The following MYT1L variants were observed in gnomAD, a reference collection of about 807,000 sequenced individuals.
MYT1L encodes the protein myelin transcription factor 1 like.
MYT1L carries 12 observed loss-of-function variants against 126.7 expected under a neutral mutation model. The ratio of observed to expected loss-of-function variants is 0.09; its 90% CI spans 0.06 to 0.15. The LOEUF is 0.15. MYT1L is among the 10% of genes least tolerant of loss of function. The probability of loss-of-function intolerance (pLI) is 1.00; values close to 1 mark genes in which losing one functional copy is unlikely to be tolerated. For synonymous variants in MYT1L, 541 were observed against 604.2 expected (o/e 0.90, Z 1.53); for missense variants, 979 against 1,585.2 (o/e 0.62, Z 6.49).
At chr2:1,946,515 G>T (rs1039293412) in intron 8 of MYT1L, among the ~76,000 whole-genome samples, 17 of 152,206 alleles carry the variant, frequency 1.1e-4, no homozygotes, top group African/African-American at 4.1e-4. Context: ...GTGACTCAGG[G>T]AGTCCCTTCA....
At chr2:2,326,010 C>A (rs2096242130) in intron 1 of MYT1L, 2 of 152,238 alleles carry the variant, frequency 1.3e-5, no homozygotes, top group Non-Finnish European at 2.9e-5. Context: ...TCCTATGTAA[C>A]CTTTACAATA....
chr2:1,996,097 C>T (rs536133156), intron 5 of MYT1L, among the ~76,000 whole-genome samples: 1 of 152,314 alleles, frequency 6.6e-6, no homozygotes, highest in East Asian at 1.9e-4. Context: ...AAGCGGTGTG[C>T]AGGCTGATTG....
At chr2:1,899,838 AG>A (rs2148933778) in intron 14 of MYT1L, among the ~76,000 whole-genome samples, 1 of 152,370 alleles carries the variant, frequency 6.6e-6, no homozygotes, top group East Asian at 1.9e-4. Flanking sequence ...ACAGATGGAT[AG>A]GCAGACACAC....
At chr2:2,299,862 A>C (rs2095756669) in intron 1 of MYT1L, among the ~76,000 whole-genome samples, 1 of 152,172 alleles carries the variant, frequency 6.6e-6, no homozygotes, top group African/African-American at 2.4e-5. Flanking sequence ...GTCAATCCCC[A>C]AATCTTACTT....
At chr2:1,821,969 G>T (rs76271438) in intron 21 of MYT1L, among the ~76,000 whole-genome samples, 1 of 152,300 alleles carries the variant, frequency 6.6e-6, no homozygotes, top group Non-Finnish European at 1.5e-5. Context: ...TCCGGGAGTC[G>T]AACCCCTCTT....
intron 2 of MYT1L, among the ~76,000 whole-genome samples, chr2:2,216,229 G>A (rs1006542359): frequency 2.0e-5 from 3 of 152,130 alleles, no homozygotes; most frequent in African/African-American, 7.2e-5. Flanking sequence ...TGCAAGAACA[G>A]CCTAATACAC....
chr2:1,998,805 C>T (rs2062100513), intron 4 of MYT1L, among the ~76,000 whole-genome samples: 1 of 152,022 alleles, frequency 6.6e-6, no homozygotes, highest in Non-Finnish European at 1.5e-5. Flanking sequence ...CTCTGTTATG[C>T]GAGACCCCAG....
chr2:1,795,985 T>C (rs922357191), intron 23 of MYT1L, among the ~76,000 whole-genome samples: 3 of 152,208 alleles, frequency 2.0e-5, no homozygotes, highest in Admixed American at 6.5e-5. Flanking sequence ...GGGCCTGACA[T>C]TGAAAGCTAA....
intron 3 of MYT1L, among the ~76,000 whole-genome samples, chr2:2,125,353 C>T (rs987187528): frequency 6.6e-6 from 1 of 152,136 alleles, no homozygotes; most frequent in African/African-American, 2.4e-5. Context: ...TACTTAAAAC[C>T]TTTAACAATG....
At chr2:2,101,467 A>G (rs1268470736) in intron 3 of MYT1L, among the ~76,000 whole-genome samples, 3 of 152,036 alleles carry the variant, frequency 2.0e-5, no homozygotes, top group Middle Eastern at 3.4e-3. Flanking sequence ...CCACCCACCC[A>G]CCAATCTATC....
chr2:1,883,695 C>T (rs1056662104), intron 18 of MYT1L, among the ~76,000 whole-genome samples: 3 of 152,160 alleles, frequency 2.0e-5, no homozygotes, highest in Admixed American at 6.5e-5. Context: ...CTCAAAGCAT[C>T]GACGCGCAAA....
At chr2:2,163,624 C>T (rs2088437052) in intron 3 of MYT1L, among the ~76,000 whole-genome samples, 1 of 150,916 alleles carries the variant, frequency 6.6e-6, no homozygotes, top group African/African-American at 2.4e-5. Flanking sequence ...CCCAGCTACT[C>T]GGGAGGCTGA....
Position 1,800,016 on chromosome 2 carries a change from T to A in MYT1L, c.3276+1680A>T, listed in dbSNP as rs182660503. Among the ~76,000 whole-genome samples the A allele has an allele frequency of 2.6e-3, 400 of 152,332 alleles. 4 individuals carry two copies. Among genetic ancestry groups the A allele is most frequent in the African/African-American group, 9.3e-3 (388 of 41,572 alleles). ...TGAGGCCTCCCCAGCCATGTGGAAC[T>A]GTGAGTCCATTAAACGCATTTCCTT... On this transcript the variant is annotated intron_variant, in intron 23 of 24. Transcript: ENST00000647738.
chr2:2,092,342 A>AAC (rs2076990491), intron 3 of MYT1L, among the ~76,000 whole-genome samples: 1 of 152,226 alleles, frequency 6.6e-6, no homozygotes, highest in South Asian at 2.1e-4. Flanking sequence ...GAACAGTCAG[A>AAC]ACACACACAT....
intron 13 of MYT1L, among the ~76,000 whole-genome samples, chr2:1,907,081 C>T (rs2051163454): frequency 6.6e-6 from 1 of 150,922 alleles, no homozygotes; most frequent in Admixed American, 6.6e-5. Flanking sequence ...CACTGTACTC[C>T]AGCCTGGGTG....
chr2:1,941,945 A>G (rs1480020454), intron 9 of MYT1L, among the ~76,000 whole-genome samples: 1 of 152,176 alleles, frequency 6.6e-6, no homozygotes, highest in Non-Finnish European at 1.5e-5. Flanking sequence ...GATTAGCAAC[A>G]AGCAACTCAC....
intron 3 of MYT1L, among the ~76,000 whole-genome samples, chr2:2,167,723 G>A (rs971602693): frequency 3.3e-5 from 5 of 152,152 alleles, no homozygotes; most frequent in South Asian, 2.1e-4. Context: ...AGCCCTCCAC[G>A]CCTTCTCCAG....
At chr2:1,923,516 CCAGT>C (rs1476923786) in intron 9 of MYT1L, among the ~76,000 whole-genome samples, 15 of 152,208 alleles carry the variant, frequency 9.9e-5, no homozygotes, top group African/African-American at 3.1e-4. Context: ...TTAAGATAAA[CCAGT>C]CAATGTGGCA....
In MYT1L at chr2:1,806,649, C is replaced by A. The variant is rs2035766469; in HGVS notation, c.3172+2427G>T. Among the ~76,000 whole-genome samples the A allele has an allele frequency of 6.6e-6, 1 of 152,206 alleles. No homozygotes were observed. The highest frequency in any genetic ancestry group is 6.5e-5 in the Admixed American group (1 of 15,290). ...TGCCCTCAATGCCGACTCAGGCCCA[C>A]CGATGAAGAGATGGCCACCTCAGGG... On this transcript the variant is annotated intron_variant, in intron 22 of 24. Transcript: ENST00000647738. This position sits in a 1 kb window ranked among gnomAD's most constrained non-coding sequence, Gnocchi z 4.9.
Sources: allele counts gnomAD v4.1 joint callset (sites outside exome capture counted in the v4.1 genomes callset), GRCh38; gene constraint gnomAD v4.1.1; non-coding constraint Gnocchi (gnomAD v3.1); transcripts MANE v1.5; gene names NCBI Gene and HGNC (gene_info 2026-07-23, HGNC 2026-07-21).